Variants in PATJ observed in about 807,000 individuals in gnomAD.
The protein encoded by PATJ is inaD-like protein.
PATJ carries 190 observed loss-of-function variants against 224.9 expected under a neutral mutation model. The ratio of observed to expected loss-of-function variants is 0.84; its 90% CI spans 0.75 to 0.95. PATJ has a LOEUF of 0.95. PATJ is among the 40% of genes least tolerant of loss of function. The probability of loss-of-function intolerance (pLI) is 0.00; values close to 1 mark genes in which losing one functional copy is unlikely to be tolerated. For synonymous variants in PATJ, 769 were observed against 820.3 expected (o/e 0.94, Z 1.07); for missense variants, 2,121 against 2,270.3 (o/e 0.93, Z 1.34).
chr1:62,008,075 A>G (rs1038271428), intron 28 of PATJ, among the ~76,000 whole-genome samples: 20 of 152,188 alleles, frequency 1.3e-4, no homozygotes, highest in Admixed American at 6.5e-5. Flanking sequence ...GTGGCAGAAT[A>G]TGGACATCTC....
intron 8 of PATJ, among the ~76,000 whole-genome samples, chr1:61,789,667 C>G (rs1649362710): frequency 6.6e-6 from 1 of 151,876 alleles, no homozygotes; most frequent in Non-Finnish European, 1.5e-5. Flanking sequence ...CAAAGGTTAG[C>G]CAGGATTGGT....
chr1:61,943,528 G>C (rs1208859999), intron 27 of PATJ, among the ~76,000 whole-genome samples: 2 of 152,180 alleles, frequency 1.3e-5, no homozygotes, highest in Admixed American at 6.6e-5. Flanking sequence ...GTGGCAGTGA[G>C]GCTGGGGGAG....
intron 35 of PATJ, among the ~76,000 whole-genome samples, chr1:62,115,490 A>C (rs542433315): frequency 7.9e-5 from 12 of 151,608 alleles, no homozygotes; most frequent in Admixed American, 7.9e-4. Flanking sequence ...AATAAAGAAA[A>C]ATGAAGTCTA....
intron 1 of PATJ, among the ~76,000 whole-genome samples, chr1:61,752,138 C>CAAAAAAA (rs33975795): frequency 8.5e-6 from 1 of 117,958 alleles, no homozygotes. Context: ...AACATCATCT[C>CAAAAAAA]AAAAAAAAAA....
intron 42 of PATJ, among the ~76,000 whole-genome samples, chr1:62,149,792 G>A (rs1384654787): frequency 7.3e-6 from 1 of 136,434 alleles, no homozygotes; most frequent in Non-Finnish European, 1.5e-5. Flanking sequence ...TCCCACCACT[G>A]CTAACACTGG....
intron 18 of PATJ, among the ~76,000 whole-genome samples, chr1:61,858,322 G>C (rs1664020733): frequency 6.6e-6 from 1 of 152,164 alleles, no homozygotes; most frequent in Admixed American, 6.5e-5. Context: ...GACTGCAGTG[G>C]TGCAATCTCG....
At chr1:62,063,541 A>G (rs1216503971) in intron 31 of PATJ, among the ~76,000 whole-genome samples, 2 of 152,162 alleles carry the variant, frequency 1.3e-5, no homozygotes, top group Non-Finnish European at 2.9e-5. Flanking sequence ...ACTTTTGTGA[A>G]AAGTGATATT....
chr1:61,983,873 G>A (rs1409512312), intron 27 of PATJ, among the ~76,000 whole-genome samples: 1 of 152,006 alleles, frequency 6.6e-6, no homozygotes, highest in Non-Finnish European at 1.5e-5. Flanking sequence ...CACCCAGGCT[G>A]GAGTGCAGTG....
At chr1:61,816,254 G>T (rs1328399499) in intron 14 of PATJ, among the ~76,000 whole-genome samples, 4 of 152,066 alleles carry the variant, frequency 2.6e-5, no homozygotes, top group Non-Finnish European at 5.9e-5. Context: ...CCGGTTCTTT[G>T]CTTTAAATAT....
In PATJ at chr1:61,977,884, CAA is replaced by C. The variant is rs567713561; in HGVS notation, c.3671-12270_3671-12269del. Among the ~76,000 whole-genome samples, 27 of 75,878 alleles carry C rather than the reference CAA, an allele frequency of 3.6e-4. 1 individual carries two copies. Among genetic ancestry groups the C allele is most frequent in the African/African-American group, 7.7e-4 (20 of 25,812 alleles). The allele number at this position is 75,878 out of a possible 152,430, so 49.8% of individuals were successfully genotyped here. A position where few individuals can be genotyped will look rare whatever the true frequency, so the allele number is the denominator to read the frequency against. On this transcript the variant is annotated intron_variant, in intron 27 of 43. Coordinates refer to ENST00000642238, the MANE Select transcript of PATJ (RefSeq NM_001350145.3). The stretch of plus-strand genomic sequence containing the variant: ...CTAGCCTGGGCAACATAGTAAGACT[CAA>C]AAAAAAAAAAAAACTTAAAAAAATT...
rs568784609 is a variant in PATJ at position 61,848,237 on chromosome 1, G to A, written c.2113-7793G>A. ...CACTCGTGAAACTCTACACATCCAG[G>A]TGGGGACCGGGCTAGGTCTCAAAAC... On this transcript the variant is annotated intron_variant, in intron 17 of 43. Coordinates refer to ENST00000642238, the MANE Select transcript of PATJ (RefSeq NM_001350145.3). Among the ~76,000 whole-genome samples, 6 of 152,290 alleles carry A rather than the reference G, an allele frequency of 3.9e-5. No individual in the cohort carries two copies. The East Asian group carries it at 9.7e-4, about 25-fold the overall frequency.
intron 17 of PATJ, among the ~76,000 whole-genome samples, chr1:61,855,141 G>T (rs1370834438): frequency 6.6e-6 from 1 of 152,116 alleles, no homozygotes. Context: ...TTATATTTAT[G>T]ATTACGTTCA....
At chr1:61,831,528 C>T (rs1444837152) in intron 16 of PATJ, among the ~76,000 whole-genome samples, 2 of 152,102 alleles carry the variant, frequency 1.3e-5, no homozygotes, top group African/African-American at 4.8e-5. Context: ...AAGGACACGT[C>T]GCACACTTCT....
intron 17 of PATJ, among the ~76,000 whole-genome samples, chr1:61,841,248 G>A (rs767960626): frequency 2.0e-5 from 3 of 152,120 alleles, no homozygotes; most frequent in East Asian, 1.9e-4. Context: ...GGTGGGGTTG[G>A]GGGGAGGGCA....
chr1:62,117,625 G>A (rs1268044589), intron 37 of PATJ, among the ~76,000 whole-genome samples: 1 of 152,096 alleles, frequency 6.6e-6, no homozygotes, highest in Non-Finnish European at 1.5e-5. Context: ...CACACATGCC[G>A]AGGGCAATTA....
chr1:62,134,165 T>C (rs1358812353), intron 41 of PATJ, among the ~76,000 whole-genome samples: 1 of 151,792 alleles, frequency 6.6e-6, no homozygotes, highest in African/African-American at 2.4e-5. Flanking sequence ...CCCCACGTTA[T>C]TCTCTTCATC....
chr1:61,882,627 G>A (rs947257528), intron 21 of PATJ, among the ~76,000 whole-genome samples: 1 of 152,004 alleles, frequency 6.6e-6, no homozygotes, highest in Admixed American at 6.6e-5. Flanking sequence ...TCACTCTGTT[G>A]CCCAGGCTAG....
chr1:61,894,999 A>C (rs1341019531), intron 22 of PATJ, among the ~76,000 whole-genome samples: 1 of 152,228 alleles, frequency 6.6e-6, no homozygotes, highest in Non-Finnish European at 1.5e-5. Context: ...ATGCTTTAGC[A>C]AAAAGACTGG....
intron 41 of PATJ, among the ~76,000 whole-genome samples, chr1:62,143,477 G>A (rs183474119): frequency 9.2e-4 from 100 of 108,918 alleles, no homozygotes; most frequent in African/African-American, 3.2e-3. Flanking sequence ...TTGAGACAGC[G>A]TCTCCCTCTG....
Sources: allele counts gnomAD v4.1 joint callset (sites outside exome capture counted in the v4.1 genomes callset), GRCh38; gene constraint gnomAD v4.1.1; transcripts MANE v1.5; gene names NCBI Gene and HGNC (gene_info 2026-07-23, HGNC 2026-07-21).